ATRNL1: variants seen among roughly 807,000 people sequenced by gnomAD.
The protein encoded by ATRNL1 is attractin-like protein 1.
ATRNL1 carries 95 observed loss-of-function variants against 182.7 expected under a neutral mutation model. The ratio of observed to expected loss-of-function variants is 0.52; its 90% CI spans 0.44 to 0.62. The LOEUF is 0.62. ATRNL1 is among the 20% of genes least tolerant of loss of function. The probability of loss-of-function intolerance (pLI) is 0.00; values close to 1 mark genes in which losing one functional copy is unlikely to be tolerated. For synonymous variants in ATRNL1, 576 were observed against 568.3 expected (o/e 1.01, Z -0.19); for missense variants, 1,471 against 1,679.5 (o/e 0.88, Z 2.17).
chr10:115,449,176 C>G (rs537368386), intron 21 of ATRNL1, among the ~76,000 whole-genome samples: 8 of 152,294 alleles, frequency 5.3e-5, no homozygotes, highest in African/African-American at 1.9e-4. Context: ...TGGCCCACCC[C>G]ACTCCCCTGA....
chr10:115,936,389 A>G (rs1230571588), intron 28 of ATRNL1, among the ~76,000 whole-genome samples: 4 of 152,186 alleles, frequency 2.6e-5, no homozygotes, highest in African/African-American at 9.7e-5. Flanking sequence ...GTTCACTGCT[A>G]AATCCTTGGG....
chr10:115,535,956 C>T (rs1038128658), intron 25 of ATRNL1, among the ~76,000 whole-genome samples: 6 of 151,542 alleles, frequency 4.0e-5, no homozygotes, highest in Admixed American at 1.3e-4. Flanking sequence ...GCTGTCTGAT[C>T]GTTCCTCTGG....
chr10:115,826,101 C>G (rs190829832), intron 27 of ATRNL1, among the ~76,000 whole-genome samples: 2 of 152,156 alleles, frequency 1.3e-5, no homozygotes, highest in African/African-American at 4.8e-5. Flanking sequence ...TAAAAACTAC[C>G]TCCTTGGAGA....
intron 20 of ATRNL1, among the ~76,000 whole-genome samples, chr10:115,408,045 G>T (rs574568868): frequency 7.5e-6 from 1 of 132,900 alleles, no homozygotes; most frequent in Admixed American, 8.4e-5. Flanking sequence ...CGCCCAGGCC[G>T]GACTGCGGAC....
intron 27 of ATRNL1, among the ~76,000 whole-genome samples, chr10:115,831,951 G>A (rs1008587680): frequency 1.3e-5 from 2 of 151,930 alleles, no homozygotes; most frequent in Non-Finnish European, 2.9e-5. Flanking sequence ...TAAATTCCCC[G>A]ACAAATAGTA....
intron 26 of ATRNL1, among the ~76,000 whole-genome samples, chr10:115,614,683 T>C (rs1343811255): frequency 6.6e-6 from 1 of 152,146 alleles, no homozygotes; most frequent in Non-Finnish European, 1.5e-5. Flanking sequence ...ATATTTGCTT[T>C]ATACATCTGT....
intron 28 of ATRNL1, among the ~76,000 whole-genome samples, chr10:115,881,653 A>G (rs1034457063): frequency 3.3e-5 from 5 of 152,186 alleles, no homozygotes; most frequent in Non-Finnish European, 4.4e-5. Context: ...GCCCTGCCAT[A>G]TGCTGGGTAC....
chr10:115,387,180 CA>C (rs1300090520), intron 19 of ATRNL1, among the ~76,000 whole-genome samples: 3 of 151,994 alleles, frequency 2.0e-5, no homozygotes, highest in Admixed American at 1.3e-4. Context: ...ATCGCAAGGA[CA>C]AAAGGTTAGT....
chr10:115,171,345 T>G, intron 8 of ATRNL1, 53 bp downstream of exon 8: 1 of 1,422,706 alleles, frequency 7.0e-7, no homozygotes. Flanking sequence ...GTTTTTCTCT[T>G]TAATAAAATC....
At chr10:115,349,094 T>G (rs1180579036) in intron 19 of ATRNL1, among the ~76,000 whole-genome samples, 1 of 152,188 alleles carries the variant, frequency 6.6e-6, no homozygotes, top group Non-Finnish European at 1.5e-5. Flanking sequence ...CCATTAACCA[T>G]TTCTATTTAT....
intron 10 of ATRNL1, among the ~76,000 whole-genome samples, chr10:115,262,347 C>T (rs1292339274): frequency 6.6e-6 from 1 of 151,672 alleles, no homozygotes; most frequent in Non-Finnish European, 1.5e-5. Context: ...AGTGCATTGA[C>T]ATATACTTGG....
rs192313870 is a variant in ATRNL1 at position 115,909,823 on chromosome 10, G to A, written c.4019-34835G>A. Among the ~76,000 whole-genome samples the A allele has an allele frequency of 5.9e-5, 9 of 152,114 alleles. No homozygotes were observed. In the South Asian group the frequency reaches 8.3e-4, roughly 14 times the overall value. On this transcript the variant is annotated intron_variant, in intron 28 of 28. Transcript: ENST00000355044. The stretch of plus-strand genomic sequence containing the variant: ...AGTTAATCAGAGATAACTTTGTAGC[G>A]ATCAGTGATTCCTAGCCAGAAGGCT...
At chr10:115,246,602 G>A (rs1236935148) in intron 10 of ATRNL1, among the ~76,000 whole-genome samples, 3 of 63,038 alleles carry the variant, frequency 4.8e-5, no homozygotes, top group Non-Finnish European at 1.0e-4. Flanking sequence ...CGCCCAGGTC[G>A]GACTGCGGAC....
At chr10:115,446,878 T>C (rs1554966792) in intron 21 of ATRNL1, among the ~76,000 whole-genome samples, 1 of 151,678 alleles carries the variant, frequency 6.6e-6, no homozygotes, top group Non-Finnish European at 1.5e-5. Flanking sequence ...TTATGAGAGG[T>C]GGTTTGCTTG....
chr10:115,216,723 T>G (rs1244460812), intron 9 of ATRNL1, among the ~76,000 whole-genome samples: 1 of 151,990 alleles, frequency 6.6e-6, no homozygotes, highest in Non-Finnish European at 1.5e-5. Flanking sequence ...CTTTTAAACT[T>G]CTAGCATTAA....
chr10:115,188,228 A>C (rs1399069596), intron 8 of ATRNL1, among the ~76,000 whole-genome samples: 1 of 152,180 alleles, frequency 6.6e-6, no homozygotes, highest in Non-Finnish European at 1.5e-5. Context: ...ATTTGCAAAT[A>C]AATGTGAAAA....
chr10:115,124,602 G>A (rs782486002), intron 3 of ATRNL1, among the ~76,000 whole-genome samples: 5 of 152,182 alleles, frequency 3.3e-5, no homozygotes, highest in South Asian at 2.1e-4. Context: ...CTTCTCTCTC[G>A]GGAAGTTAGG....
chr10:115,523,592 C>A (rs2133715248), intron 25 of ATRNL1, among the ~76,000 whole-genome samples: 1 of 152,336 alleles, frequency 6.6e-6, no homozygotes, highest in South Asian at 2.1e-4. Context: ...TTCTTGAGCA[C>A]TTTGCTGCTT....
At chr10:115,120,897 T>A (rs1592127873) in intron 2 of ATRNL1, among the ~76,000 whole-genome samples, 1 of 152,316 alleles carries the variant, frequency 6.6e-6, no homozygotes, top group African/African-American at 2.4e-5. Flanking sequence ...TTATATCACA[T>A]TGAGAATTTT....
Sources: gnomAD v4.1 joint callset for allele counts (sites outside exome capture counted in the v4.1 genomes callset) on GRCh38, gnomAD v4.1.1 for gene constraint, MANE v1.5 for transcripts, NCBI Gene and HGNC (gene_info 2026-07-23, HGNC 2026-07-21) for gene names.